MTRR: variants seen among roughly 807,000 people sequenced by gnomAD.
MTRR encodes the protein methionine synthase reductase.
MTRR carries 63 observed loss-of-function variants against 79.2 expected under a neutral mutation model. That is an observed-to-expected ratio of 0.80 (90% confidence interval 0.65 to 0.98). The LOEUF is 0.98. Ranked by LOEUF, MTRR falls within the 50% of genes least tolerant of loss-of-function variation. MTRR has a pLI of 0.00. For synonymous variants in MTRR, 355 were observed against 313.3 expected (o/e 1.13, Z -1.41); for missense variants, 895 against 839.6 (o/e 1.07, Z -0.82).
chr5:7,870,652 C>A, intron 1 of MTRR, 118 bp from the exon 2 acceptor site: 1 of 1,097,868 alleles, frequency 9.1e-7, no homozygotes, highest in Non-Finnish European at 1.3e-6. Context: ...TTAGAAAAGG[C>A]CATTTCATAT....
chr5:7,851,186 A>C (rs1746070511), upstream of MTRR: 3 of 781,168 alleles, frequency 3.8e-6, no homozygotes, highest in Non-Finnish European at 5.2e-6. Flanking sequence ...GCTGCCCTGC[A>C]GCATTCCCGC....
chr5:7,873,559 T>A, intron 3 of MTRR, 33 bp downstream of exon 3: 2 of 1,608,524 alleles, frequency 1.2e-6, no homozygotes, highest in Non-Finnish European at 1.7e-6. Flanking sequence ...CTTACTATAG[T>A]ATACTATTGA....
At chr5:7,894,444 G>A (rs1738162475) in intron 11 of MTRR, among the ~76,000 whole-genome samples, 9 of 152,228 alleles carry the variant, frequency 5.9e-5, no homozygotes, top group Admixed American at 5.9e-4. Flanking sequence ...TATCTGCCAT[G>A]ATATTCTCTC....
chr5:7,897,889 G>C (rs1205240288), intron 14 of MTRR, among the ~76,000 whole-genome samples: 1 of 151,738 alleles, frequency 6.6e-6, no homozygotes, highest in Non-Finnish European at 1.5e-5. Context: ...CACATTCCTA[G>C]GATTTAACAC....
chr5:7,864,880 T>A (rs748971139), upstream of MTRR, among the ~76,000 whole-genome samples: 47 of 150,884 alleles, frequency 3.1e-4, no homozygotes, highest in Admixed American at 2.0e-4. Context: ...CTAGTTTATA[T>A]ATGAAAAAAA....
At chr5:7,872,091 C>T (rs1254008564) in intron 2 of MTRR, 1 of 253,364 alleles carries the variant, frequency 3.9e-6, no homozygotes. Context: ...TAATATCCTT[C>T]CTATTTCACA....
chr5:7,871,680 A>T (rs544108242), intron 2 of MTRR, among the ~76,000 whole-genome samples: 5 of 152,326 alleles, frequency 3.3e-5, no homozygotes, highest in African/African-American at 1.2e-4. Flanking sequence ...ACTCCAGTTC[A>T]GAACACTAGA....
At chr5:7,870,066 G>T in intron 1 of MTRR, 1 of 985,312 alleles carries the variant, frequency 1.0e-6, no homozygotes, top group Non-Finnish European at 1.2e-6. Context: ...TGTGAGTGTC[G>T]TTTGTTTTAC....
At chr5:7,867,201 A>C, upstream of MTRR, 2 of 1,614,174 alleles carry the variant, frequency 1.2e-6, no homozygotes, top group Middle Eastern at 3.3e-4. Flanking sequence ...TGGCTAATCA[A>C]TTTAGGACTC....
rs1249757306 is a variant in MTRR, at chr5:7,873,357, T to C, written c.130-16T>C. ...ATGTAGTGTTAGGTCCCTGACTTGA[T>C]ATCCTTGTTTTGTAGTATGACCTAA... On this transcript the variant is annotated splice_polypyrimidine_tract_variant and intron_variant, in intron 2 of 14. Coordinates refer to ENST00000440940, the MANE Select transcript of MTRR (RefSeq NM_002454.3). 1 of 1,614,048 alleles carries C rather than the reference T, an allele frequency of 6.2e-7. No homozygotes were observed. Among genetic ancestry groups the C allele is most frequent in the African/African-American group, 1.3e-5 (1 of 74,934 alleles).
chr5:7,877,140 A>C (rs1734696163), intron 4 of MTRR, among the ~76,000 whole-genome samples: 1 of 152,152 alleles, frequency 6.6e-6, no homozygotes, highest in South Asian at 2.1e-4. Context: ...ATTAGAATTT[A>C]ATTGATCCTC....
At chr5:7,865,103 T>C (rs952980857), upstream of MTRR, among the ~76,000 whole-genome samples, 1 of 152,150 alleles carries the variant, frequency 6.6e-6, no homozygotes, top group African/African-American at 2.4e-5. Context: ...GTACTTTGAT[T>C]AGTGAGTCTC....
intron 1 of MTRR, 135 bp from the exon 2 acceptor site, chr5:7,870,635 A>C: frequency 5.2e-6 from 5 of 958,354 alleles, no homozygotes; most frequent in Non-Finnish European, 8.0e-6. Context: ...TAGTGCTGAA[A>C]ACAAATTTAG....
rs1336968586 is a variant in MTRR at position 7,892,959 on chromosome 5, T to C, written c.1557+46T>C. The C allele has an allele frequency of 8.3e-6, 13 of 1,568,220 alleles. No homozygotes were observed. In the South Asian group the frequency reaches 1.1e-4, roughly 14 times the overall value. On this transcript the variant is annotated intron_variant, in intron 11 of 14. Coordinates refer to ENST00000440940, the MANE Select transcript of MTRR (RefSeq NM_002454.3). ...CCTCAGCATTGTTAACTCATACTCTTTGTTTCATTAGAAAAAACAGTGTTG... is the reference window on the plus strand; with the variant it reads ...CCTCAGCATTGTTAACTCATACTCTCTGTTTCATTAGAAAAAACAGTGTTG...
intron 14 of MTRR, among the ~76,000 whole-genome samples, chr5:7,898,159 A>G (rs2126819659): frequency 6.6e-6 from 1 of 152,326 alleles, no homozygotes; most frequent in African/African-American, 2.4e-5. Context: ...ACATTGCTTT[A>G]GGTCAATAAA....
upstream of MTRR, among the ~76,000 whole-genome samples, chr5:7,864,593 G>C (rs1170131315): frequency 5.3e-5 from 8 of 150,990 alleles, no homozygotes; most frequent in Non-Finnish European, 1.0e-4. Context: ...GTGTAGAAAG[G>C]CAATTCAAAA....
In MTRR at chr5:7,889,279, A is replaced by T. The variant is rs1163533350; in HGVS notation, c.1327+4A>T. ...CCACCACTCAGTCTCCTGCTCGGTG[A>T]GTAGTCGCTTTCACAAGCACCTTGG... On this transcript the variant is annotated splice_donor_region_variant and intron_variant, in intron 9 of 14. Coordinates refer to ENST00000440940, the MANE Select transcript of MTRR (RefSeq NM_002454.3). 1.9e-6 allele frequency: 3 copies of T among 1,612,310 alleles called. No homozygotes were observed. Among genetic ancestry groups the T allele is most frequent in the Non-Finnish European group, 2.5e-6 (3 of 1,179,986 alleles).
At chr5:7,895,680 A>G (rs1738379680) in intron 11 of MTRR, 54 bp from the exon 12 acceptor site, 1 of 1,603,714 alleles carries the variant, frequency 6.2e-7, no homozygotes, top group Non-Finnish European at 8.5e-7. Context: ...TCTTGATTAT[A>G]TACTCTTGCC....
chr5:7,851,168 G>T (rs567730671), upstream of MTRR: 11 of 971,942 alleles, frequency 1.1e-5, no homozygotes, highest in South Asian at 4.8e-4. Flanking sequence ...GCCGCCTGGC[G>T]ACCCGGAGCT....
Sources: allele counts gnomAD v4.1 joint callset (sites outside exome capture counted in the v4.1 genomes callset), GRCh38; gene constraint gnomAD v4.1.1; transcripts MANE v1.5; gene names NCBI Gene and HGNC (gene_info 2026-07-23, HGNC 2026-07-21).